The following WDR7 variants were observed in gnomAD, a reference collection of about 807,000 sequenced individuals.
The protein encoded by WDR7 is WD repeat domain 7.
In WDR7, 46 loss-of-function variants were observed where a neutral mutation model predicts 169.4. The ratio of observed to expected loss-of-function variants is 0.27; its 90% CI spans 0.21 to 0.35. WDR7 has a LOEUF of 0.35. Ranked by LOEUF, WDR7 falls within the 10% of genes least tolerant of loss-of-function variation. WDR7 has a pLI of 1.00. For missense variants in WDR7, 1,534 were observed against 1,859.3 expected, an observed-to-expected ratio of 0.83 and a Z score of 3.22; for synonymous variants, 612 against 666.8, an observed-to-expected ratio of 0.92 and a Z score of 1.27.
At chr18:56,714,103 A>G (rs2026141049) in intron 12 of WDR7, among the ~76,000 whole-genome samples, 1 of 152,222 alleles carries the variant, frequency 6.6e-6, no homozygotes, top group Admixed American at 6.5e-5. Context: ...TCACCTCAGA[A>G]TTAATTAGTG....
intron 20 of WDR7, among the ~76,000 whole-genome samples, chr18:56,821,043 C>G (rs540814696): frequency 6.6e-6 from 1 of 152,124 alleles, no homozygotes; most frequent in Non-Finnish European, 1.5e-5. Flanking sequence ...CAGTAGTCAT[C>G]TACTCATTCA....
chr18:56,693,080 T>G (rs552950533), intron 9 of WDR7, among the ~76,000 whole-genome samples: 63 of 152,196 alleles, frequency 4.1e-4, no homozygotes, highest in African/African-American at 1.4e-3. Flanking sequence ...CAAAAAAAAT[T>G]CAGTAAGTAA....
chr18:56,700,715 G>A (rs895293103), intron 12 of WDR7, among the ~76,000 whole-genome samples: 2 of 149,486 alleles, frequency 1.3e-5, no homozygotes, highest in Non-Finnish European at 3.0e-5. Context: ...GACTACAGGC[G>A]CCCGCTACCA....
chr18:56,655,121 T>C (rs554255769), intron 1 of WDR7, among the ~76,000 whole-genome samples: 47 of 152,378 alleles, frequency 3.1e-4, no homozygotes, highest in Non-Finnish European at 5.0e-4. Context: ...TATAGGTTCA[T>C]AGGAAGTTGC....
At chr18:56,808,714 A>C (rs1261130194) in intron 19 of WDR7, among the ~76,000 whole-genome samples, 1 of 152,154 alleles carries the variant, frequency 6.6e-6, no homozygotes, top group African/African-American at 2.4e-5. Flanking sequence ...AGTTGGAAAA[A>C]AATTCATAAA....
intron 21 of WDR7, among the ~76,000 whole-genome samples, chr18:56,920,612 T>C (rs1194682767): frequency 6.6e-6 from 1 of 152,210 alleles, no homozygotes; most frequent in African/African-American, 2.4e-5. Context: ...TAAGAAGGGA[T>C]TGGTGTTGAT....
chr18:56,713,225 T>G (rs1464413313), intron 12 of WDR7, among the ~76,000 whole-genome samples: 2 of 152,172 alleles, frequency 1.3e-5, no homozygotes, highest in African/African-American at 2.4e-5. Flanking sequence ...AAATTTGTAT[T>G]TACATCCACT....
intron 26 of WDR7, among the ~76,000 whole-genome samples, chr18:56,969,759 T>A (rs1265783183): frequency 6.6e-6 from 1 of 152,236 alleles, no homozygotes; most frequent in Admixed American, 6.5e-5. Context: ...CACAGCCCTC[T>A]CAGGCTCTTT....
At chr18:56,855,090 A>G (rs994542560) in intron 20 of WDR7, among the ~76,000 whole-genome samples, 2 of 152,174 alleles carry the variant, frequency 1.3e-5, no homozygotes, top group African/African-American at 2.4e-5. Context: ...ATTCTATCCA[A>G]CGCTTGACAT....
At chr18:56,863,653 GTAATT>G (rs72361918) in intron 20 of WDR7, among the ~76,000 whole-genome samples, 8,554 of 151,748 alleles carry the variant, frequency 0.056, 838 homozygotes, top group African/African-American at 0.2. Context: ...TTCTAGGAAA[GTAATT>G]TATATTTACA....
Position 57,017,603 on chromosome 18 carries a change from A to G in WDR7, c.4165-3142A>G, listed in dbSNP as rs192038544. Among the ~76,000 whole-genome samples the G allele has an allele frequency of 5.3e-5, 8 of 152,228 alleles. No individual in the cohort carries two copies. The East Asian group carries it at 1.4e-3, about 26-fold the overall frequency. On this transcript the variant is annotated intron_variant, in intron 26 of 27. Coordinates refer to ENST00000254442, the MANE Select transcript of WDR7 (RefSeq NM_015285.3). ...AAACTCAGTATATGACAGGACTTCAACAACAACAAATGAAAACGGAACAGT... is the reference window on the plus strand; with the variant it reads ...AAACTCAGTATATGACAGGACTTCAGCAACAACAAATGAAAACGGAACAGT...
At chr18:56,687,244 A>T (rs1367233444) in intron 7 of WDR7, among the ~76,000 whole-genome samples, 2 of 152,156 alleles carry the variant, frequency 1.3e-5, no homozygotes, top group African/African-American at 4.8e-5. Context: ...TCACTGTCTT[A>T]TCAGTACAAT....
rs2048418414 is a variant in WDR7, at chr18:57,029,563, C to T, written c.*2356C>T. On this transcript the variant is annotated 3_prime_UTR_variant, in exon 28 of 28. Coordinates refer to ENST00000254442, the MANE Select transcript of WDR7 (RefSeq NM_015285.3). ...TGATTTCACTGGCACTGTATTTGGA[C>T]CTGTCCTTGTATATGTAGAGACATA... The T allele has an allele frequency of 6.6e-6, 1 of 151,974 alleles. No homozygotes were observed. Among genetic ancestry groups the T allele is most frequent in the South Asian group, 2.1e-4 (1 of 4,822 alleles). The allele number at this position is 151,974 out of a possible 1,614,324, so 9.4% of individuals were successfully genotyped here. A position where few individuals can be genotyped will look rare whatever the true frequency, so the allele number is the denominator to read the frequency against.
chr18:56,715,431 C>T (rs752137119), intron 12 of WDR7, among the ~76,000 whole-genome samples: 6 of 152,146 alleles, frequency 3.9e-5, no homozygotes, highest in Non-Finnish European at 8.8e-5. Context: ...AAATGACTTT[C>T]GACGTGGGGA....
At chr18:56,955,661 G>A (rs1039194832) in intron 25 of WDR7, among the ~76,000 whole-genome samples, 4 of 150,200 alleles carry the variant, frequency 2.7e-5, no homozygotes, top group African/African-American at 1.0e-4. Context: ...GATGGATGAT[G>A]ATGATGATGA....
chr18:56,776,901 C>T (rs748384341), intron 17 of WDR7, 21 bp downstream of exon 17: 1 of 1,587,060 alleles, frequency 6.3e-7, no homozygotes, highest in Non-Finnish European at 8.7e-7. Context: ...CAACTTCTAA[C>T]AACTTTCTCT....
intron 25 of WDR7, among the ~76,000 whole-genome samples, chr18:56,961,242 TATTA>T (rs576152959): frequency 1.0e-3 from 159 of 152,276 alleles, no homozygotes; most frequent in Non-Finnish European, 9.6e-4. Context: ...TCTCAGCCTC[TATTA>T]CTAGAATATC....
chr18:56,779,587 TAAA>T, intron 18 of WDR7, 38 bp downstream of exon 18: 1 of 1,495,628 alleles, frequency 6.7e-7, no homozygotes, highest in Non-Finnish European at 9.2e-7. Flanking sequence ...ACAAAAATAT[TAAA>T]AAGGCATTGG....
chr18:56,791,383 T>C lies in WDR7; in HGVS notation c.3190+9727T>C, dbSNP rs1411195960. On this transcript the variant is annotated intron_variant, in intron 19 of 27. Coordinates refer to ENST00000254442, the MANE Select transcript of WDR7 (RefSeq NM_015285.3). ...GATAAGTTCTGGCATATCTTATAGA[T>C]ACAAAGATGTAAATTATCTTATTTT... Among the ~76,000 whole-genome samples the C allele has an allele frequency of 2.6e-5, 4 of 152,322 alleles. No homozygotes were observed. In the East Asian group the frequency reaches 5.8e-4, roughly 22 times the overall value.
Sources: gnomAD v4.1 joint callset for allele counts (sites outside exome capture counted in the v4.1 genomes callset) on GRCh38, gnomAD v4.1.1 for gene constraint, MANE v1.5 for transcripts, NCBI Gene and HGNC (gene_info 2026-07-23, HGNC 2026-07-21) for gene names.